The following RBFOX1 variants were observed in gnomAD, a reference collection of about 807,000 sequenced individuals.
RBFOX1 encodes the protein RNA binding protein fox-1 homolog 1.
Under a neutral mutation model 57.7 loss-of-function variants are expected in RBFOX1, and 8 were observed. That is an observed-to-expected ratio of 0.14 (90% CI 0.08 to 0.25). The LOEUF (loss-of-function observed/expected upper bound fraction) is 0.25, where lower values mean the gene tolerates loss of function less well. Ranked by LOEUF, RBFOX1 falls within the 10% of genes least tolerant of loss-of-function variation. The pLI is 1.00. For missense variants in RBFOX1, 611 were observed against 548.5 expected (o/e 1.11, Z -1.14); for synonymous variants, 326 against 222.4 (o/e 1.47, Z -4.15).
chr16:6,368,410 A>T (rs1423079922), intron 2 of RBFOX1, among the ~76,000 whole-genome samples: 2 of 152,208 alleles, frequency 1.3e-5, no homozygotes, highest in African/African-American at 4.8e-5. Context: ...CACATAAAAA[A>T]TGCTGCAGCT....
chr16:5,300,875 C>A (rs558255275), intron 1 of RBFOX1, among the ~76,000 whole-genome samples: 8 of 152,202 alleles, frequency 5.3e-5, no homozygotes, highest in African/African-American at 1.7e-4. Flanking sequence ...TAGTGATGTC[C>A]TCTCTTTAAT....
chr16:6,992,890 C>A (rs2091726675), intron 3 of RBFOX1, among the ~76,000 whole-genome samples: 1 of 151,852 alleles, frequency 6.6e-6, no homozygotes, highest in Admixed American at 6.6e-5. Context: ...GTGCCCACCG[C>A]CCAAGCACGG....
At chr16:7,117,318 T>C (rs1309927330) in intron 4 of RBFOX1, among the ~76,000 whole-genome samples, 3 of 152,312 alleles carry the variant, frequency 2.0e-5, no homozygotes, top group African/African-American at 4.8e-5. Context: ...CAGAATACTT[T>C]TGATTCGGTG....
At chr16:7,600,995 G>A (rs562913590) in intron 9 of RBFOX1, among the ~76,000 whole-genome samples, 235 of 152,288 alleles carry the variant, frequency 1.5e-3, no homozygotes, top group Non-Finnish European at 2.7e-3. Context: ...CGGAGGAGTT[G>A]GGGTTTGCTG....
At chr16:6,195,652 G>C (rs1382091489) in intron 1 of RBFOX1, among the ~76,000 whole-genome samples, 1 of 152,022 alleles carries the variant, frequency 6.6e-6, no homozygotes, top group African/African-American at 2.4e-5. Context: ...CCGGGTGGTG[G>C]AGGTTGCAGT....
intron 2 of RBFOX1, among the ~76,000 whole-genome samples, chr16:6,423,707 G>T (rs2093840189): frequency 6.6e-6 from 1 of 152,164 alleles, no homozygotes; most frequent in Non-Finnish European, 1.5e-5. Context: ...CACTGATGGA[G>T]AGACATGCCC....
At chr16:7,352,862 C>T (rs2097152846) in intron 4 of RBFOX1, among the ~76,000 whole-genome samples, 1 of 152,058 alleles carries the variant, frequency 6.6e-6, no homozygotes, top group Admixed American at 6.6e-5. Context: ...ACTACAGGAG[C>T]ATGCCACCAT....
rs532317002 is a variant in RBFOX1, at chr16:6,766,852, G to T, written c.-16+112202G>T. Among the ~76,000 whole-genome samples, 3 of 152,174 alleles carry T rather than the reference G, an allele frequency of 2.0e-5. No individual in the cohort carries two copies. The South Asian group carries it at 6.2e-4, about 32-fold the overall frequency. ...AAAGGATGGGAGGGGATCTGGGGAA[G>T]CATGTTCTAAGCTGATGGAACAGCA... On this transcript the variant is annotated intron_variant, in intron 3 of 15. Transcript: ENST00000550418.
intron 1 of RBFOX1, among the ~76,000 whole-genome samples, chr16:6,310,045 G>A (rs554106061): frequency 6.6e-6 from 1 of 152,044 alleles, no homozygotes; most frequent in African/African-American, 2.4e-5. Context: ...CTGCCACCAC[G>A]CCCAGCTAAT....
rs375539436 is a variant in RBFOX1 at position 6,083,266 on chromosome 16, G to A, written c.-127+63274G>A. Reference sequence around the variant, plus strand: ...GATCTGCCCGCCTCGGCCTCCCAAAGTTCTAGGATTACAGGCGTGAGCTAT... The same window carrying A: ...GATCTGCCCGCCTCGGCCTCCCAAAATTCTAGGATTACAGGCGTGAGCTAT... On this transcript the variant is annotated intron_variant, in intron 1 of 15. Coordinates refer to ENST00000550418, the MANE Select transcript of RBFOX1 (RefSeq NM_018723.4). Among the ~76,000 whole-genome samples the A allele has an allele frequency of 2.8e-3, 431 of 152,250 alleles. 5 individuals carry two copies. The highest frequency in any genetic ancestry group is 0.023 in the South Asian group (110 of 4,816).
chr16:6,579,596 G>T (rs1301620381), intron 2 of RBFOX1, among the ~76,000 whole-genome samples: 2 of 152,108 alleles, frequency 1.3e-5, no homozygotes, highest in Non-Finnish European at 2.9e-5. Flanking sequence ...GTGAAGAAAA[G>T]CCTGTTTGCT....
intron 1 of RBFOX1, among the ~76,000 whole-genome samples, chr16:5,361,920 G>T (rs2065562678): frequency 6.6e-6 from 1 of 152,210 alleles, no homozygotes; most frequent in Non-Finnish European, 1.5e-5. Context: ...TCTGAGAATG[G>T]TTTGGACAGC....
At chr16:6,997,797 G>T (rs1234304826) in intron 3 of RBFOX1, among the ~76,000 whole-genome samples, 1 of 152,044 alleles carries the variant, frequency 6.6e-6, no homozygotes, top group African/African-American at 2.4e-5. Context: ...TTTCTCTGAG[G>T]TAGGGTTTCT....
intron 3 of RBFOX1, among the ~76,000 whole-genome samples, chr16:5,792,922 C>A (rs963428006): frequency 6.6e-6 from 1 of 152,132 alleles, no homozygotes; most frequent in Non-Finnish European, 1.5e-5. Flanking sequence ...TCTTCATTCT[C>A]ATATTCTTTG....
At chr16:6,664,864 C>G (rs935561073) in intron 3 of RBFOX1, among the ~76,000 whole-genome samples, 19 of 152,312 alleles carry the variant, frequency 1.2e-4, no homozygotes, top group African/African-American at 4.3e-4. Context: ...GGTTCTGCCC[C>G]TTCACCAGCT....
At chr16:6,077,366 C>T (rs546289147) in intron 1 of RBFOX1, among the ~76,000 whole-genome samples, 4 of 152,270 alleles carry the variant, frequency 2.6e-5, no homozygotes, top group African/African-American at 9.6e-5. Flanking sequence ...TTTGTACTAA[C>T]TATATGACTA....
chr16:7,028,008 A>C (rs923838909), intron 3 of RBFOX1, among the ~76,000 whole-genome samples: 1 of 151,954 alleles, frequency 6.6e-6, no homozygotes, highest in Non-Finnish European at 1.5e-5. Context: ...GAAGGGAAGA[A>C]GGAGAAGGAA....
rs529197707 is a variant in RBFOX1 at position 7,106,984 on chromosome 16, A to AAACACACACAC, written c.27+54887_27+54888insACACACACACA. Among the ~76,000 whole-genome samples the AAACACACACAC allele has an allele frequency of 2.8e-3, 415 of 148,626 alleles. 5 individuals are homozygous for AAACACACACAC. The highest frequency in any genetic ancestry group is 8.7e-3 in the African/African-American group (351 of 40,290). ...ATTCCCATGTAAGCCACACAGTTAA[A>AAACACACACAC]ACACACACACACACACACACACACT... On this transcript the variant is annotated intron_variant, in intron 4 of 15. Transcript: ENST00000550418.
At chr16:7,460,370 A>ATATATATAT (rs1555477558) in intron 4 of RBFOX1, among the ~76,000 whole-genome samples, 7 of 76,006 alleles carry the variant, frequency 9.2e-5, no homozygotes, top group Non-Finnish European at 1.4e-4. Flanking sequence ...CATTTAGCAA[A>ATATATATAT]ATATATATAT....
Sources: gnomAD v4.1 joint callset for allele counts (sites outside exome capture counted in the v4.1 genomes callset) on GRCh38, gnomAD v4.1.1 for gene constraint, MANE v1.5 for transcripts, NCBI Gene and HGNC (gene_info 2026-07-23, HGNC 2026-07-21) for gene names.